The following VCPKMT variants were observed in gnomAD, a reference collection of about 807,000 sequenced individuals.
VCPKMT encodes the protein valosin containing protein lysine methyltransferase.
VCPKMT carries 32 observed loss-of-function variants against 28.6 expected under a neutral mutation model. The observed-to-expected ratio is 1.12, with a 90% confidence interval of 0.84 to 1.50. VCPKMT has a LOEUF of 1.50. Among genes scored for constraint, VCPKMT ranks in the 40% most tolerant of loss-of-function variants. The pLI, the probability that VCPKMT is intolerant of heterozygous loss-of-function variation, is 0.00. For synonymous variants in VCPKMT, 138 were observed against 111.4 expected, an observed-to-expected ratio of 1.24 and a Z score of -1.50; for missense variants, 366 against 285.0, an observed-to-expected ratio of 1.28 and a Z score of -2.05.
At chr14:50,103,755 C>T (rs1882231490), downstream of VCPKMT, among the ~76,000 whole-genome samples, 1 of 152,118 alleles carries the variant, frequency 6.6e-6, no homozygotes. Context: ...TTCTCAACTT[C>T]CTCCCATCCC....
At chr14:50,112,395 G>GAAAAAAAA (rs59968443) in intron 5 of VCPKMT, among the ~76,000 whole-genome samples, 2 of 11,996 alleles carry the variant, frequency 1.7e-4, no homozygotes, top group Non-Finnish European at 1.4e-4. Context: ...AAAAATACGA[G>GAAAAAAAA]AAAAAAAAAA....
chr14:50,108,757 A>G lies in VCPKMT; in HGVS notation c.*942T>C. On this transcript the variant is annotated 3_prime_UTR_variant, in exon 6 of 6. Coordinates refer to ENST00000395860, the MANE Select transcript of VCPKMT (RefSeq NM_024558.3). Reference sequence around the variant, plus strand: ...CAAGTATGATTAAAGTCCTTGACAGATTATTGTATATGAGCGAATGGCTTC... The same window carrying G: ...CAAGTATGATTAAAGTCCTTGACAGGTTATTGTATATGAGCGAATGGCTTC... 1 of 985,830 alleles carries G rather than the reference A, an allele frequency of 1.0e-6. No individual in the cohort carries two copies. The highest frequency in any genetic ancestry group is 1.2e-6 in the Non-Finnish European group (1 of 829,940). The allele number at this position is 985,830 out of a possible 1,614,324, so 61.1% of individuals were successfully genotyped here. A position where few individuals can be genotyped will look rare whatever the true frequency, so the allele number is the denominator to read the frequency against.
intron 5 of VCPKMT, chr14:50,111,531 A>G (rs1882661049): frequency 2.0e-5 from 20 of 985,448 alleles, no homozygotes; most frequent in Non-Finnish European, 2.4e-5. Flanking sequence ...CATAAAACTA[A>G]TCATCTCCCT....
At chr14:50,114,035 T>C (rs185774762) in intron 4 of VCPKMT, among the ~76,000 whole-genome samples, 4 of 152,334 alleles carry the variant, frequency 2.6e-5, no homozygotes, top group Admixed American at 2.6e-4. Flanking sequence ...AAAACTGTTC[T>C]TAAAAAGGAG....
chr14:50,109,677 T>C lies in VCPKMT; in HGVS notation c.*22A>G, dbSNP rs773940205. ...TTAGTTTACCCAGGTTGTTAGAGCC[T>C]TGGGTAAGATGATTAAAGGCTTCAC... On this transcript the variant is annotated 3_prime_UTR_variant, in exon 6 of 6. Coordinates refer to ENST00000395860, the MANE Select transcript of VCPKMT (RefSeq NM_024558.3). 6.3e-7 allele frequency: 1 copy of C among 1,599,032 alleles called. No homozygotes were observed.
At position 50,111,605 on chromosome 14, in the gene VCPKMT, C is replaced by T. The variant is rs371879564; in HGVS notation, c.675+1010G>A. ...ACAAAAATAGATGAAAGGCCAGGCG[C>T]AGCAGCTCACACCTGTAATCCCAAC... On this transcript the variant is annotated intron_variant, in intron 5 of 5. Coordinates refer to ENST00000395860, the MANE Select transcript of VCPKMT (RefSeq NM_024558.3). 76 of 985,430 alleles carry T rather than the reference C, an allele frequency of 7.7e-5. 1 individual carries two copies. The East Asian group carries it at 1.7e-3, about 22-fold the overall frequency. The allele number at this position is 985,430 out of a possible 1,614,324, so 61.0% of individuals were successfully genotyped here. A position where few individuals can be genotyped will look rare whatever the true frequency, so the allele number is the denominator to read the frequency against.
rs1311007622 is a variant in VCPKMT at position 50,112,664 on chromosome 14, T to A, written c.626A>T (p.Glu209Val). ...AATATGAATATCTTCACTTCGATAC[T>A]CTTCATCATGTTTTTCCAAAGGAAT... is the stretch of plus-strand genomic sequence containing the variant. ...EKIPLEKHDE[E>V]YRSEDIHIIY... The change falls in exon 5 of 6, where the codon GAG becomes GTG. Residue 209 changes from glutamate to valine, a missense_variant. Physicochemically the swap from Glu to Val is moderately radical, Grantham distance 121. Transcript: ENST00000395860. 1.3e-6 allele frequency: 2 copies of A among 1,576,840 alleles called. No individual in the cohort carries two copies.
chr14:50,112,395 GAAAAAAAAAA>G (rs59968443), intron 5 of VCPKMT, among the ~76,000 whole-genome samples: 1 of 12,010 alleles, frequency 8.3e-5, no homozygotes, highest in South Asian at 3.5e-3. Flanking sequence ...AAAAATACGA[GAAAAAAAAAA>G]AAAAAAAAAA....
chr14:50,110,676 G>A (rs937287792), intron 5 of VCPKMT, among the ~76,000 whole-genome samples: 2 of 152,180 alleles, frequency 1.3e-5, no homozygotes, highest in Non-Finnish European at 2.9e-5. Context: ...ATATAACCTT[G>A]CAGTTCTCCT....
Position 50,115,920 on chromosome 14 carries a change from T to C in VCPKMT, c.378-9A>G, listed in dbSNP as rs754663469. ...CTTCTATTTCTTCCCCCCTTAAAAATGCCAAACAAATATTTCAATTGTTTT... is the reference window on the plus strand; with the variant it reads ...CTTCTATTTCTTCCCCCCTTAAAAACGCCAAACAAATATTTCAATTGTTTT... On this transcript the variant is annotated splice_polypyrimidine_tract_variant and intron_variant, in intron 2 of 5. Transcript: ENST00000395860. 5 of 1,613,072 alleles carry C rather than the reference T, an allele frequency of 3.1e-6. No homozygotes were observed. In the East Asian group the frequency reaches 1.1e-4, roughly 36 times the overall value.
rs769826802 is a variant in VCPKMT, at chr14:50,108,769, G to A, written c.*930C>T. 4.1e-6 allele frequency: 4 copies of A among 985,702 alleles called. No individual in the cohort carries two copies. The highest frequency in any genetic ancestry group is 4.8e-6 in the Non-Finnish European group (4 of 829,922). The allele number at this position is 985,702 out of a possible 1,614,324, so 61.1% of individuals were successfully genotyped here. ...AAGTCCTTGACAGATTATTGTATAT[G>A]AGCGAATGGCTTCATAACATAAAAC... is the stretch of plus-strand genomic sequence containing the variant. On this transcript the variant is annotated 3_prime_UTR_variant, in exon 6 of 6. Coordinates refer to ENST00000395860, the MANE Select transcript of VCPKMT (RefSeq NM_024558.3).
At chr14:50,104,700 A>G (rs1465983596), downstream of VCPKMT, among the ~76,000 whole-genome samples, 5 of 152,058 alleles carry the variant, frequency 3.3e-5, no homozygotes, top group Non-Finnish European at 5.9e-5. Context: ...ATTGAAAAAA[A>G]AAAAAAAAAC....
At chr14:50,114,438 T>C (rs1472764292) in intron 3 of VCPKMT, 34 bp from the exon 4 acceptor site, 4 of 1,388,036 alleles carry the variant, frequency 2.9e-6, no homozygotes, top group Non-Finnish European at 2.8e-6. Context: ...TTGTTTTTGA[T>C]TTAAAAATTT....
rs764591200 is a variant in VCPKMT, at chr14:50,113,144, T to C, written c.571-425A>G. 1.1e-3 allele frequency among the ~76,000 whole-genome samples: 174 copies of C among 152,158 alleles called. 2 individuals are homozygous for C. The highest frequency in any genetic ancestry group is 1.0e-3 in the Non-Finnish European group (68 of 68,024). ...GCAGTGTGCAAACCTTCCAAGATCCTGAAAATGTCCTCTATCTTTATGTTG... is the reference window on the plus strand; with the variant it reads ...GCAGTGTGCAAACCTTCCAAGATCCCGAAAATGTCCTCTATCTTTATGTTG... On this transcript the variant is annotated intron_variant, in intron 4 of 5. Transcript: ENST00000395860.
rs1882621641 is a variant in VCPKMT at position 50,111,108 on chromosome 14, T to C, written c.676-1395A>G. 8 of 873,170 alleles carry C rather than the reference T, an allele frequency of 9.2e-6. No individual in the cohort carries two copies. The South Asian group carries it at 2.1e-4, about 23-fold the overall frequency. 54.1% of individuals were successfully genotyped at this position (873,170 alleles called of 1,614,324 possible). ...GTGAATATACTAAAAACCACCAAATTGTACACCTTAAAAGCGTGAATTTTA... is the reference window on the plus strand; with the variant it reads ...GTGAATATACTAAAAACCACCAAATCGTACACCTTAAAAGCGTGAATTTTA... On this transcript the variant is annotated intron_variant, in intron 5 of 5. Coordinates refer to ENST00000395860, the MANE Select transcript of VCPKMT (RefSeq NM_024558.3).
intron 3 of VCPKMT, among the ~76,000 whole-genome samples, chr14:50,114,675 C>G (rs1432915960): frequency 2.0e-5 from 3 of 152,124 alleles, no homozygotes; most frequent in Admixed American, 1.3e-4. Flanking sequence ...AACCACCCCC[C>G]GCAACACCTT....
In VCPKMT at chr14:50,116,077, T is replaced by C. The variant is rs573801687; in HGVS notation, c.369A>G (p.Val123=). 13 of 1,611,178 alleles carry C rather than the reference T, an allele frequency of 8.1e-6. No homozygotes were observed. The highest frequency in any genetic ancestry group is 1.1e-5 in the Non-Finnish European group (13 of 1,178,322). The change falls in exon 2 of 6, where the codon GTA becomes GTG. Residue 123 remains valine (V), a synonymous_variant. Coordinates refer to ENST00000395860, the MANE Select transcript of VCPKMT (RefSeq NM_024558.3). Reference sequence around the variant, plus strand: ...TGAAAGGCCATACAAACCATTTCAGTACCTTGGCTTGAACAGAACCAGTGA... The same window carrying C: ...TGAAAGGCCATACAAACCATTTCAGCACCTTGGCTTGAACAGAACCAGTGA... The part of the protein sequence containing the change: ...HLVTGSVQAK[V]LKWGEEIEGF...
At chr14:50,110,014 G>A (rs1436954979) in intron 5 of VCPKMT, among the ~76,000 whole-genome samples, 1 of 152,200 alleles carries the variant, frequency 6.6e-6, no homozygotes, top group East Asian at 1.9e-4. Flanking sequence ...GGGAGGCTGA[G>A]GTGGCAGAGC....
chr14:50,115,772 G>C, intron 3 of VCPKMT, 67 bp downstream of exon 3: 1 of 1,513,208 alleles, frequency 6.6e-7, no homozygotes, highest in Non-Finnish European at 9.0e-7. Context: ...GAAGAAACGT[G>C]TGCTTTAGAA....
Sources: gnomAD v4.1 joint callset for allele counts (sites outside exome capture counted in the v4.1 genomes callset) on GRCh38, gnomAD v4.1.1 for gene constraint, MANE v1.5 for transcripts, NCBI Gene and HGNC (gene_info 2026-07-23, HGNC 2026-07-21) for gene names.